Variants in PTAFR observed in about 807,000 individuals in gnomAD.
PTAFR encodes the protein platelet activating factor receptor, also known as platelet-activating factor receptor.
In PTAFR, 8 loss-of-function variants were observed where a neutral mutation model predicts 14.7. That is an observed-to-expected ratio of 0.54 (90% CI 0.32 to 0.98). PTAFR has a LOEUF of 0.98. PTAFR is among the 50% of genes least tolerant of loss of function. The pLI is 0.04. For synonymous variants in PTAFR, 156 were observed against 176.5 expected (o/e 0.88, Z 0.92); for missense variants, 337 against 451.2 (o/e 0.75, Z 2.29).
At chr1:28,168,260 C>T (rs916553055) in intron 1 of PTAFR, among the ~76,000 whole-genome samples, 4 of 151,832 alleles carry the variant, frequency 2.6e-5, no homozygotes, top group Non-Finnish European at 5.9e-5. Flanking sequence ...CGTGAGCCAC[C>T]GCGCCCGGCA....
chr1:28,173,441 CA>C (rs985936062), intron 1 of PTAFR, among the ~76,000 whole-genome samples: 10 of 151,674 alleles, frequency 6.6e-5, no homozygotes, highest in South Asian at 2.1e-4. Context: ...CCCACCTCTA[CA>C]AAAAACAAAC....
chr1:28,169,329 C>T (rs963939262), intron 1 of PTAFR, among the ~76,000 whole-genome samples: 10 of 151,662 alleles, frequency 6.6e-5, no homozygotes, highest in African/African-American at 9.7e-5. Flanking sequence ...GCCTAAGAGA[C>T]GACAAATTTG....
At chr1:28,175,766 C>T (rs1457558710) in intron 1 of PTAFR, among the ~76,000 whole-genome samples, 1 of 152,114 alleles carries the variant, frequency 6.6e-6, no homozygotes, top group Non-Finnish European at 1.5e-5. Context: ...TCCTAAGTAC[C>T]CCGCCCTGTA....
At chr1:28,189,571 C>T (rs1646634433) in intron 1 of PTAFR, among the ~76,000 whole-genome samples, 1 of 149,122 alleles carries the variant, frequency 6.7e-6, no homozygotes, top group African/African-American at 2.5e-5. Context: ...CGAGATGGTG[C>T]CCCTGCACTC....
intron 1 of PTAFR, among the ~76,000 whole-genome samples, chr1:28,192,206 C>T (rs1646659228): frequency 6.6e-6 from 1 of 152,058 alleles, no homozygotes. Context: ...AGCCTATTTC[C>T]ATAGTTGTAA....
At chr1:28,164,065 C>A (rs1208943941) in intron 1 of PTAFR, among the ~76,000 whole-genome samples, 1 of 152,090 alleles carries the variant, frequency 6.6e-6, no homozygotes, top group Non-Finnish European at 1.5e-5. Flanking sequence ...CGGCCCTCAT[C>A]CCTGCTGGAA....
intron 1 of PTAFR, among the ~76,000 whole-genome samples, chr1:28,151,675 AT>A (rs1446016677): frequency 3.3e-5 from 5 of 152,064 alleles, no homozygotes; most frequent in African/African-American, 4.8e-5. Flanking sequence ...AAAAAAAAAA[AT>A]AATAATTCTT....
chr1:28,185,365 G>A (rs1646597670), intron 1 of PTAFR, among the ~76,000 whole-genome samples: 1 of 152,090 alleles, frequency 6.6e-6, no homozygotes, highest in South Asian at 2.1e-4. Context: ...ACTAAACTAG[G>A]GCAGTCCTGC....
At chr1:28,155,399 C>A (rs760868512) in intron 1 of PTAFR, among the ~76,000 whole-genome samples, 9 of 152,084 alleles carry the variant, frequency 5.9e-5, no homozygotes, top group Non-Finnish European at 1.3e-4. Flanking sequence ...TTAGTAGAGA[C>A]GGCGTTTCAC....
intron 1 of PTAFR, among the ~76,000 whole-genome samples, chr1:28,173,507 C>G (rs1257153991): frequency 2.0e-5 from 3 of 151,882 alleles, no homozygotes; most frequent in South Asian, 2.1e-4. Flanking sequence ...AAAAATTAAT[C>G]AGGCAAGATG....
chr1:28,181,469 G>A (rs529273206), upstream of PTAFR, among the ~76,000 whole-genome samples: 12 of 152,216 alleles, frequency 7.9e-5, no homozygotes, highest in Admixed American at 2.6e-4. Context: ...AATTCTAGCC[G>A]GGCGCGGTGG....
chr1:28,162,388 C>A (rs1344552885), intron 1 of PTAFR, among the ~76,000 whole-genome samples: 1 of 152,160 alleles, frequency 6.6e-6, no homozygotes, highest in East Asian at 1.9e-4. Flanking sequence ...ACTCCCCAGA[C>A]AGAGCAGCTG....
At chr1:28,175,453 C>G (rs1646502702) in intron 1 of PTAFR, among the ~76,000 whole-genome samples, 1 of 152,024 alleles carries the variant, frequency 6.6e-6, no homozygotes, top group African/African-American at 2.4e-5. Flanking sequence ...CTACCGCCTC[C>G]CCCAACACAC....
At chr1:28,161,375 G>A (rs963558997) in intron 1 of PTAFR, among the ~76,000 whole-genome samples, 8 of 152,174 alleles carry the variant, frequency 5.3e-5, no homozygotes, top group Middle Eastern at 3.2e-3. Context: ...TCCTGCTCTC[G>A]AGGAGCTTAC....
At chr1:28,163,188 C>T (rs1333264731) in intron 1 of PTAFR, among the ~76,000 whole-genome samples, 1 of 152,214 alleles carries the variant, frequency 6.6e-6, no homozygotes, top group Non-Finnish European at 1.5e-5. Flanking sequence ...AGCACTTCCT[C>T]TGGGATGCCT....
intron 1 of PTAFR, among the ~76,000 whole-genome samples, chr1:28,164,198 T>C (rs1228504625): frequency 1.3e-5 from 2 of 152,134 alleles, no homozygotes; most frequent in Non-Finnish European, 2.9e-5. Flanking sequence ...CCAGGCCAGA[T>C]TGTGGGTTGG....
At chr1:28,193,024 G>C (rs1646667649) in intron 1 of PTAFR, among the ~76,000 whole-genome samples, 1 of 152,188 alleles carries the variant, frequency 6.6e-6, no homozygotes, top group Admixed American at 6.5e-5. Flanking sequence ...TGCCCTTCTT[G>C]CTCCACTGTG....
intron 1 of PTAFR, among the ~76,000 whole-genome samples, chr1:28,184,750 C>T (rs891784293): frequency 1.3e-5 from 2 of 152,144 alleles, no homozygotes; most frequent in African/African-American, 4.8e-5. Flanking sequence ...AGCGATTCTC[C>T]TTCCTCAGCC....
intron 1 of PTAFR, among the ~76,000 whole-genome samples, chr1:28,191,333 G>A (rs1331930332): frequency 2.0e-5 from 3 of 152,246 alleles, no homozygotes; most frequent in South Asian, 2.1e-4. Context: ...TGCCTGGGCA[G>A]GGGAGGGCCT....
Sources: gnomAD v4.1 joint callset for allele counts (sites outside exome capture counted in the v4.1 genomes callset) on GRCh38, gnomAD v4.1.1 for gene constraint, MANE v1.5 for transcripts, NCBI Gene and HGNC (gene_info 2026-07-23, HGNC 2026-07-21) for gene names.